Variants in CIB3 observed in about 807,000 individuals in gnomAD.
The protein encoded by CIB3 is calcium and integrin binding family member 3.
CIB3 carries 22 observed loss-of-function variants against 23.4 expected under a neutral mutation model. The observed-to-expected ratio is 0.94, with a 90% CI of 0.67 to 1.34. The LOEUF (loss-of-function observed/expected upper bound fraction) is 1.34. Among genes scored for constraint, CIB3 ranks in the 40% most tolerant of loss-of-function variants. The pLI is 0.00. For missense variants in CIB3, 258 were observed against 247.3 expected, an observed-to-expected ratio of 1.04 and a Z score of -0.29; for synonymous variants, 93 against 95.8, an observed-to-expected ratio of 0.97 and a Z score of 0.17.
At chr19:16,169,100 T>C (rs1004291125) in intron 3 of CIB3, among the ~76,000 whole-genome samples, 1 of 152,056 alleles carries the variant, frequency 6.6e-6, no homozygotes, top group Non-Finnish European at 1.5e-5. Flanking sequence ...CTGTATTATC[T>C]CGTTTCATCC....
intron 2 of CIB3, among the ~76,000 whole-genome samples, chr19:16,170,296 G>A (rs2091322690): frequency 6.6e-6 from 1 of 152,298 alleles, no homozygotes; most frequent in African/African-American, 2.4e-5. Flanking sequence ...GCAAGCTAGC[G>A]AGGAGAAGGG....
At position 16,173,500 on chromosome 19, in the gene CIB3, G is replaced by C. The variant is rs370294555; in HGVS notation, c.-25C>G. On this transcript the variant is annotated 5_prime_UTR_variant, in exon 1 of 6. Coordinates refer to ENST00000269878, the MANE Select transcript of CIB3 (RefSeq NM_054113.4). ...TGGTGTGAACCACAGCCCAGACTTG[G>C]GGATGCACCCCAAAGGCTCCCAGCT... is the stretch of plus-strand genomic sequence containing the variant. 6.2e-7 allele frequency: 1 copy of C among 1,611,140 alleles called. No individual in the cohort carries two copies. The highest frequency in any genetic ancestry group is 8.5e-7 in the Non-Finnish European group (1 of 1,177,388).
chr19:16,165,028 T>C, intron 4 of CIB3, 115 bp from the exon 5 acceptor site: 1 of 869,266 alleles, frequency 1.2e-6, no homozygotes, highest in South Asian at 1.5e-5. Context: ...GCACGGTGGC[T>C]CACGCCTGTA....
chr19:16,171,716 G>A (rs1054289642), intron 2 of CIB3, among the ~76,000 whole-genome samples: 1 of 152,128 alleles, frequency 6.6e-6, no homozygotes, highest in African/African-American at 2.4e-5. Flanking sequence ...TTACCCTTCA[G>A]CCTGGGATCA....
intron 4 of CIB3, among the ~76,000 whole-genome samples, chr19:16,166,683 A>G (rs1304487874): frequency 6.6e-6 from 1 of 152,112 alleles, no homozygotes; most frequent in African/African-American, 2.4e-5. Context: ...TGTGCCAGGT[A>G]CTCTGATAAC....
chr19:16,161,405 A>C lies in CIB3; in HGVS notation c.*60T>G, dbSNP rs1197191224. ...ACTTGTGTTTATTCTCAGAAACCAG[A>C]GTCCACAGCGGGTGAGGGGTCACCC... is the stretch of plus-strand genomic sequence containing the variant. On this transcript the variant is annotated 3_prime_UTR_variant, in exon 6 of 6. Transcript: ENST00000269878. 4 of 1,554,456 alleles carry C rather than the reference A, an allele frequency of 2.6e-6. No homozygotes were observed. The highest frequency in any genetic ancestry group is 3.6e-6 in the Non-Finnish European group (4 of 1,125,894).
intron 5 of CIB3, 148 bp downstream of exon 5, chr19:16,164,570 A>G: frequency 1.3e-6 from 1 of 748,776 alleles, no homozygotes; most frequent in East Asian, 2.7e-5. Flanking sequence ...TTACAGATGC[A>G]GGGACTGAGA....
At chr19:16,171,579 A>G (rs538124265) in intron 2 of CIB3, among the ~76,000 whole-genome samples, 4 of 152,152 alleles carry the variant, frequency 2.6e-5, no homozygotes, top group Non-Finnish European at 5.9e-5. Context: ...CCCTGGGTTT[A>G]GGTTTCTGTG....
rs1229175581 is a variant in CIB3, at chr19:16,169,644, T to C, written c.184A>G (p.Met62Val). ...VKVPYELIGSMPELKDNPFRQ... is the reference protein window; with the variant it reads ...VKVPYELIGSVPELKDNPFRQ... ...CCTGGGCATACCTTCAGCTCGGGCA[T>C]GCTGCCAATGAGCTCGTAGGGCACC... Residue 62 changes from methionine (M) to valine (V), a missense_variant, in exon 3 of 6, where the codon ATG becomes GTG. Physicochemically the swap from Met to Val is conservative, Grantham distance 21. Transcript: ENST00000269878. The C allele has an allele frequency of 6.2e-7, 1 of 1,613,480 alleles. No homozygotes were observed. The highest frequency in any genetic ancestry group is 8.5e-7 in the Non-Finnish European group (1 of 1,179,574).
intron 4 of CIB3, 53 bp downstream of exon 4, chr19:16,168,084 T>TGCCACAA: frequency 6.5e-7 from 1 of 1,540,702 alleles, no homozygotes; most frequent in Non-Finnish European, 8.8e-7. Flanking sequence ...CCCACCCAGT[T>TGCCACAA]CCCACTCCCC....
In CIB3 at chr19:16,164,806, C is replaced by T; in HGVS notation, c.454G>A (p.Val152Met). 1 of 1,614,082 alleles carries T rather than the reference C, an allele frequency of 6.2e-7. No individual in the cohort carries two copies. The highest frequency in any genetic ancestry group is 8.5e-7 in the Non-Finnish European group (1 of 1,180,024). The change falls in exon 5 of 6, where the codon GTG (valine) becomes ATG (methionine). Residue 152 changes from valine to methionine, a missense_variant. Val to Met is a conservative substitution (Grantham distance 21, BLOSUM62 1). Coordinates refer to ENST00000269878, the MANE Select transcript of CIB3 (RefSeq NM_054113.4). ...TGGTCTCCATCAGCCTCATCCAGCA[C>T]CTTCTCACATACCAGGCTCACCTCC... The part of the protein sequence containing the change: ...AEEVSLVCEK[V>M]LDEADGDHDG...
intron 5 of CIB3, among the ~76,000 whole-genome samples, chr19:16,164,266 C>T (rs1292279481): frequency 6.6e-6 from 1 of 152,192 alleles, no homozygotes; most frequent in Non-Finnish European, 1.5e-5. Flanking sequence ...TGAACCACCC[C>T]ACCTGGTTGG....
intron 4 of CIB3, among the ~76,000 whole-genome samples, chr19:16,167,196 G>A (rs1310359233): frequency 6.6e-6 from 1 of 151,644 alleles, no homozygotes; most frequent in African/African-American, 2.4e-5. Context: ...ACTCCAGTCT[G>A]GGGGACAGAG....
chr19:16,173,427 G>A lies in CIB3; in HGVS notation c.49C>T (p.Gln17Ter), dbSNP rs756958555. 4.3e-6 allele frequency: 7 copies of A among 1,613,600 alleles called. No homozygotes were observed. The African/African-American group carries it at 9.3e-5, about 22-fold the overall frequency. ...VFTHEQLEAY[Q>*]DCTFFTRKEI... ...GGACCCATCCTGCCCCCCTCTACCT[G>A]ATACGCTTCCAGCTGCTCGTGTGTG... The change falls in exon 1 of 6, where the codon CAG becomes TAG. Residue 17 changes from glutamine to a stop codon, truncating the protein, a stop_gained and splice_region_variant. Coordinates refer to ENST00000269878, the MANE Select transcript of CIB3 (RefSeq NM_054113.4). LOFTEE classifies it high-confidence loss of function.
At position 16,161,416 on chromosome 19, in the gene CIB3, G is replaced by C; in HGVS notation, c.*49C>G. 6.3e-7 allele frequency: 1 copy of C among 1,598,688 alleles called. No individual in the cohort carries two copies. The highest frequency in any genetic ancestry group is 8.6e-7 in the Non-Finnish European group (1 of 1,166,006). ...TTCTCAGAAACCAGAGTCCACAGCGGGTGAGGGGTCACCCCGCCCTCCTAT... is the reference window on the plus strand; with the variant it reads ...TTCTCAGAAACCAGAGTCCACAGCGCGTGAGGGGTCACCCCGCCCTCCTAT... On this transcript the variant is annotated 3_prime_UTR_variant, in exon 6 of 6. Coordinates refer to ENST00000269878, the MANE Select transcript of CIB3 (RefSeq NM_054113.4).
At chr19:16,168,394 A>T in intron 3 of CIB3, 110 bp from the exon 4 acceptor site, 2 of 1,417,850 alleles carry the variant, frequency 1.4e-6, no homozygotes, top group Non-Finnish European at 1.9e-6. Context: ...AGTACCCTCC[A>T]TCAAGACCCA....
In CIB3 at chr19:16,169,661, T is replaced by C. The variant is rs2091319786; in HGVS notation, c.167A>G (p.Tyr56Cys). Residue 56 changes from tyrosine (Y) to cysteine (C), a missense_variant, in exon 3 of 6, where the codon TAC becomes TGC. By Grantham distance (194) the Tyr-to-Cys change is radical. Transcript: ENST00000269878. ...YTTCPDVKVP[Y>C]ELIGSMPELK... ...CTCGGGCATGCTGCCAATGAGCTCG[T>C]AGGGCACCTTCACATCGGGGCAGGT... is the stretch of plus-strand genomic sequence containing the variant. 3 of 1,613,640 alleles carry C rather than the reference T, an allele frequency of 1.9e-6. No individual in the cohort carries two copies. The highest frequency in any genetic ancestry group is 2.5e-6 in the Non-Finnish European group (3 of 1,179,768).
intron 5 of CIB3, among the ~76,000 whole-genome samples, chr19:16,162,894 T>TC (rs1568336259): frequency 1.7e-3 from 194 of 112,062 alleles, no homozygotes; most frequent in Non-Finnish European, 3.0e-3. Context: ...TTCTTTTTTT[T>TC]TTTTTTTTTT....
chr19:16,165,471 T>C (rs1292976223), intron 4 of CIB3, among the ~76,000 whole-genome samples: 3 of 150,956 alleles, frequency 2.0e-5, no homozygotes, highest in Non-Finnish European at 4.4e-5. Flanking sequence ...TGAGACGGAG[T>C]CTCGCTCTGT....
Sources: allele counts gnomAD v4.1 joint callset (sites outside exome capture counted in the v4.1 genomes callset), GRCh38; gene constraint gnomAD v4.1.1; transcripts MANE v1.5; gene names NCBI Gene and HGNC (gene_info 2026-07-23, HGNC 2026-07-21).